The following FAM168B variants were observed in gnomAD, a reference collection of about 807,000 sequenced individuals.
FAM168B encodes the protein family with sequence similarity 168 member B, also known as myelin-associated neurite-outgrowth inhibitor.
Under a neutral mutation model 21.8 loss-of-function variants are expected in FAM168B, and 19 were observed. The ratio of observed to expected loss-of-function variants is 0.87; its 90% CI spans 0.61 to 1.28. The LOEUF (loss-of-function observed/expected upper bound fraction) is 1.28, where lower values mean the gene tolerates loss of function less well. Ranked by LOEUF, FAM168B falls within the 50% of genes most tolerant of loss-of-function variation. The pLI, the probability that FAM168B is intolerant of heterozygous loss-of-function variation, is 0.00. For missense variants in FAM168B, 233 were observed against 263.1 expected (o/e 0.89, Z 0.79); for synonymous variants, 126 against 104.8 (o/e 1.20, Z -1.24).
chr2:131,088,905 C>T (rs1343300482), intron 1 of FAM168B, among the ~76,000 whole-genome samples: 1 of 152,068 alleles, frequency 6.6e-6, no homozygotes, highest in Non-Finnish European at 1.5e-5. Context: ...CACCAACTTT[C>T]CAGTCTAATT....
chr2:131,087,041 G>A (rs1163380560), intron 1 of FAM168B, among the ~76,000 whole-genome samples: 2 of 127,616 alleles, frequency 1.6e-5, no homozygotes, highest in Admixed American at 7.4e-5. Context: ...ACTCCAGCCT[G>A]GGCGACAGCG....
intron 3 of FAM168B, among the ~76,000 whole-genome samples, chr2:131,067,652 A>T (rs1315148286): frequency 6.6e-6 from 1 of 152,108 alleles, no homozygotes; most frequent in Non-Finnish European, 1.5e-5. Context: ...CTGAGGCAGG[A>T]TTGCTTGGCA....
Position 131,053,028 on chromosome 2 carries a change from G to C in FAM168B, c.476-13C>G, listed in dbSNP as rs979470424. On this transcript the variant is annotated splice_polypyrimidine_tract_variant and intron_variant, in intron 5 of 6. Transcript: ENST00000389915. The stretch of plus-strand genomic sequence containing the variant: ...GTCAGCAGGGTACCTGGAAGAAAGA[G>C]CAGCACATGACATGAGGCTGACCTC... 3.9e-6 allele frequency: 6 copies of C among 1,545,890 alleles called. No homozygotes were observed. In the African/African-American group the frequency reaches 8.3e-5, roughly 21 times the overall value.
At chr2:131,069,102 T>TC (rs944253032) in intron 3 of FAM168B, among the ~76,000 whole-genome samples, 4 of 152,252 alleles carry the variant, frequency 2.6e-5, no homozygotes, top group African/African-American at 9.6e-5. Context: ...GCACTCAGTC[T>TC]CCACCCTGCC....
At chr2:131,072,163 G>A (rs561822803) in intron 2 of FAM168B, among the ~76,000 whole-genome samples, 4 of 152,180 alleles carry the variant, frequency 2.6e-5, no homozygotes, top group Admixed American at 1.3e-4. Context: ...CACTTTCATC[G>A]CCCAGGCTGG....
rs1373717129 is a variant in FAM168B, at chr2:131,058,948, G to A, written c.155-3253C>T. On this transcript the variant is annotated intron_variant, in intron 3 of 6. Coordinates refer to ENST00000389915, the MANE Select transcript of FAM168B (RefSeq NM_001009993.4). ...TGAATGCCATCAAAGAATTATAAAG[G>A]AAAAGGTAGTGTGTCCGGCCATGTA... Among the ~76,000 whole-genome samples, 5 of 152,148 alleles carry A rather than the reference G, an allele frequency of 3.3e-5. No individual in the cohort carries two copies. The South Asian group carries it at 6.2e-4, about 19-fold the overall frequency.
chr2:131,063,254 A>T (rs1692393464), intron 3 of FAM168B, among the ~76,000 whole-genome samples: 1 of 152,202 alleles, frequency 6.6e-6, no homozygotes, highest in South Asian at 2.1e-4. Flanking sequence ...GTGACATCTG[A>T]AATTTTTTAC....
chr2:131,068,850 A>G (rs1462265260), intron 3 of FAM168B, among the ~76,000 whole-genome samples: 1 of 152,150 alleles, frequency 6.6e-6, no homozygotes, highest in Non-Finnish European at 1.5e-5. Flanking sequence ...ACCCATCTCT[A>G]CAAAAAAATA....
At chr2:131,080,086 C>T (rs1194381425) in intron 2 of FAM168B, among the ~76,000 whole-genome samples, 1 of 151,596 alleles carries the variant, frequency 6.6e-6, no homozygotes, top group Admixed American at 6.6e-5. Flanking sequence ...CATTGCACTC[C>T]AGCCTGGGCA....
At chr2:131,087,494 T>G (rs1693776003) in intron 1 of FAM168B, among the ~76,000 whole-genome samples, 1 of 151,992 alleles carries the variant, frequency 6.6e-6, no homozygotes, top group African/African-American at 2.4e-5. Flanking sequence ...TAATAATAAT[T>G]AAAGGGCAGC....
chr2:131,075,340 T>C (rs1316904971), intron 2 of FAM168B, among the ~76,000 whole-genome samples: 1 of 151,912 alleles, frequency 6.6e-6, no homozygotes, highest in Non-Finnish European at 1.5e-5. Flanking sequence ...TCTGCAATAA[T>C]TTCCAGAAAT....
At chr2:131,071,825 G>A (rs372326745) in intron 3 of FAM168B, 30 bp downstream of exon 3, 83 of 1,593,572 alleles carry the variant, frequency 5.2e-5, no homozygotes, top group African/African-American at 2.6e-4. Context: ...CCAGCTGTAC[G>A]TACAAAGCAT....
Position 131,071,415 on chromosome 2 carries a change from C to A in FAM168B, c.154+440G>T, listed in dbSNP as rs1692863513. Reference sequence around the variant, plus strand: ...AAACCAATTCCACTTTTAATATTAACAGTGATTTCCAAAATCTAAAAATAT... The same window carrying A: ...AAACCAATTCCACTTTTAATATTAAAAGTGATTTCCAAAATCTAAAAATAT... On this transcript the variant is annotated intron_variant, in intron 3 of 6. Transcript: ENST00000389915. 3.3e-5 allele frequency among the ~76,000 whole-genome samples: 5 copies of A among 152,194 alleles called. No homozygotes were observed. The South Asian group carries it at 1.0e-3, about 32-fold the overall frequency.
chr2:131,068,137 T>C (rs1044759376), intron 3 of FAM168B, among the ~76,000 whole-genome samples: 3 of 152,172 alleles, frequency 2.0e-5, no homozygotes, highest in African/African-American at 7.2e-5. Context: ...ACAACAGCAC[T>C]TGTGGGACAT....
At chr2:131,066,087 C>G (rs1692542316) in intron 3 of FAM168B, among the ~76,000 whole-genome samples, 1 of 152,088 alleles carries the variant, frequency 6.6e-6, no homozygotes, top group Non-Finnish European at 1.5e-5. Context: ...TCCAATTTAC[C>G]CTCCACCCAG....
chr2:131,049,255 G>C lies in FAM168B; in HGVS notation c.*3210C>G. 1.0e-6 allele frequency: 1 copy of C among 985,452 alleles called. No homozygotes were observed. Among genetic ancestry groups the C allele is most frequent in the Non-Finnish European group, 1.2e-6 (1 of 829,980 alleles). The allele number at this position is 985,452 out of a possible 1,614,324, so 61.0% of individuals were successfully genotyped here. On this transcript the variant is annotated 3_prime_UTR_variant, in exon 7 of 7. Coordinates refer to ENST00000389915, the MANE Select transcript of FAM168B (RefSeq NM_001009993.4). ...CAGATGATGCCACCAGAAAGAGCAA[G>C]GTACTGTATGCCCAGCTGGGGAAGG...
At chr2:131,092,499 G>T (rs1694083815) in intron 1 of FAM168B, among the ~76,000 whole-genome samples, 1 of 152,208 alleles carries the variant, frequency 6.6e-6, no homozygotes, top group Admixed American at 6.5e-5. Flanking sequence ...AGTTTAAGGA[G>T]TGGAAACTAT....
intron 1 of FAM168B, among the ~76,000 whole-genome samples, chr2:131,087,886 T>C (rs1047952598): frequency 2.6e-5 from 4 of 152,198 alleles, no homozygotes; most frequent in Non-Finnish European, 4.4e-5. Flanking sequence ...TCAAATGAAG[T>C]ACTGAAGGAT....
chr2:131,085,496 C>G (rs1343767220), intron 1 of FAM168B, among the ~76,000 whole-genome samples: 2 of 152,182 alleles, frequency 1.3e-5, no homozygotes, highest in African/African-American at 4.8e-5. Flanking sequence ...TCAGAACACT[C>G]TAGGTGTCAA....
Sources: gnomAD v4.1 joint callset for allele counts (sites outside exome capture counted in the v4.1 genomes callset) on GRCh38, gnomAD v4.1.1 for gene constraint, MANE v1.5 for transcripts, NCBI Gene and HGNC (gene_info 2026-07-23, HGNC 2026-07-21) for gene names.